The following EFHC1 variants were observed in gnomAD, a reference collection of about 807,000 sequenced individuals.
The protein encoded by EFHC1 is EF-hand domain-containing protein 1.
EFHC1 carries 53 observed loss-of-function variants against 69.9 expected under a neutral mutation model. The ratio of observed to expected loss-of-function variants is 0.76; its 90% CI spans 0.61 to 0.95. The LOEUF (loss-of-function observed/expected upper bound fraction) is 0.95. Ranked by LOEUF, EFHC1 falls within the 40% of genes least tolerant of loss-of-function variation. The probability of loss-of-function intolerance (pLI) is 0.00; values close to 1 mark genes in which losing one functional copy is unlikely to be tolerated. For synonymous variants in EFHC1, 256 were observed against 278.4 expected, an observed-to-expected ratio of 0.92 and a Z score of 0.80; for missense variants, 739 against 798.7, an observed-to-expected ratio of 0.93 and a Z score of 0.90.
intron 1 of EFHC1, chr6:52,423,736 G>A: frequency 2.7e-6 from 3 of 1,109,156 alleles, no homozygotes; most frequent in South Asian, 2.9e-5. Context: ...GAACTCTGGG[G>A]CTGAAGTGAT....
rs573419357 is a variant in EFHC1, at chr6:52,496,225, C to CACACAG, written c.*3885_*3886insCACAGA. On this transcript the variant is annotated 3_prime_UTR_variant, in exon 11 of 11. Coordinates refer to ENST00000371068, the MANE Select transcript of EFHC1 (RefSeq NM_018100.4). ...ACACACACCCACACACACACACACACAAAGAGAGAATGAGAATTATTAAGA... is the reference window on the plus strand; with the variant it reads ...ACACACACCCACACACACACACACACACACAGAAAGAGAGAATGAGAATTATTAAGA... The CACACAG allele has an allele frequency of 5.3e-3, 817 of 154,810 alleles. 7 individuals carry two copies. Among genetic ancestry groups the CACACAG allele is most frequent in the African/African-American group, 0.019 (771 of 41,392 alleles). 9.6% of individuals were successfully genotyped at this position (154,810 alleles called of 1,614,324 possible).
intron 2 of EFHC1, chr6:52,428,367 A>G (rs1013132272): frequency 2.0e-5 from 3 of 151,482 alleles, no homozygotes; most frequent in African/African-American, 7.3e-5. Context: ...TGAGTCCCCA[A>G]AGTTCATTGT....
chr6:52,423,987 C>T lies in EFHC1; in HGVS notation c.105C>T (p.Asn35=), dbSNP rs534406651. The change falls in exon 2 of 11, where the codon AAC becomes AAT. Residue 35 remains asparagine (N), a synonymous_variant. Transcript: ENST00000371068. ...GAAGTCAGACGCTGAGCTACAGGAA[C>T]GGCTATGCAATTGTTCGACGTCCAA... ...FHRSQTLSYR[N]GYAIVRRPTV... 54 of 1,614,026 alleles carry T rather than the reference C, an allele frequency of 3.3e-5. No homozygotes were observed. The highest frequency in any genetic ancestry group is 3.3e-4 in the Middle Eastern group (2 of 6,062).
intron 2 of EFHC1, among the ~76,000 whole-genome samples, chr6:52,434,601 A>T (rs1764489716): frequency 1.3e-5 from 2 of 151,862 alleles, no homozygotes; most frequent in African/African-American, 4.8e-5. Context: ...CTGCTTACCT[A>T]ATTTATTCCT....
At chr6:52,469,210 T>A (rs1765379405) in intron 6 of EFHC1, 123 bp from the exon 7 acceptor site, 8 of 1,268,296 alleles carry the variant, frequency 6.3e-6, no homozygotes, top group Non-Finnish European at 7.8e-6. Flanking sequence ...TATATTTGTT[T>A]ATGTAGAAAA....
At position 52,479,213 on chromosome 6, in the gene EFHC1, T is replaced by C; in HGVS notation, c.1455T>C (p.Tyr485=). ...CTACAGTGGACAACCCTGTCTACTA[T>C]GGCCCCAGTGACTTCTTCATTGGTG... is the stretch of plus-strand genomic sequence containing the variant. The part of the protein sequence containing the change: ...PYSTVDNPVY[Y]GPSDFFIGAV... Residue 485 remains tyrosine (Y), a synonymous_variant, in exon 8 of 11, where the codon TAT becomes TAC. Transcript: ENST00000371068. 6.2e-7 allele frequency: 1 copy of C among 1,614,142 alleles called. No individual in the cohort carries two copies. Among genetic ancestry groups the C allele is most frequent in the African/African-American group, 1.3e-5 (1 of 75,052 alleles).
intron 3 of EFHC1, among the ~76,000 whole-genome samples, chr6:52,447,440 G>C (rs1254188381): frequency 6.6e-6 from 1 of 152,056 alleles, no homozygotes; most frequent in Non-Finnish European, 1.5e-5. Flanking sequence ...TTTCTACACT[G>C]TTTATTCTAG....
intron 9 of EFHC1, among the ~76,000 whole-genome samples, chr6:52,489,673 G>C (rs1765854976): frequency 6.6e-6 from 1 of 152,164 alleles, no homozygotes; most frequent in African/African-American, 2.4e-5. Context: ...GTGTGAATTG[G>C]AGAGGGAATA....
chr6:52,435,554 C>T (rs962030683), intron 2 of EFHC1, among the ~76,000 whole-genome samples: 2 of 152,212 alleles, frequency 1.3e-5, no homozygotes, highest in African/African-American at 4.8e-5. Flanking sequence ...TCCTCAACAC[C>T]TCATCTGCTT....
At chr6:52,428,888 G>A (rs1441726559) in intron 2 of EFHC1, among the ~76,000 whole-genome samples, 3 of 152,090 alleles carry the variant, frequency 2.0e-5, no homozygotes, top group Non-Finnish European at 4.4e-5. Flanking sequence ...GGCCATTCTT[G>A]CAGGACTAAG....
At position 52,494,584 on chromosome 6, in the gene EFHC1, TTC is replaced by T. The variant is rs1562468535; in HGVS notation, c.*2249_*2250del. ...CTGACTCTTTCTCCCAGAGCACCTT[TTC>T]TCTCTTTTTGGATTCAGGGGGTACA... On this transcript the variant is annotated 3_prime_UTR_variant, in exon 11 of 11. Transcript: ENST00000371068. 2 of 453,970 alleles carry T rather than the reference TTC, an allele frequency of 4.4e-6. No individual in the cohort carries two copies. The highest frequency in any genetic ancestry group is 6.9e-5 in the East Asian group (1 of 14,408). 28.1% of individuals were successfully genotyped at this position (453,970 alleles called of 1,614,324 possible). A position where few individuals can be genotyped will look rare whatever the true frequency, so the allele number is the denominator to read the frequency against.
intron 9 of EFHC1, chr6:52,481,823 C>T (rs1371938073): frequency 6.6e-6 from 1 of 152,088 alleles, no homozygotes; most frequent in Non-Finnish European, 1.5e-5. Flanking sequence ...GGTGAAATCT[C>T]TAAAGGAGTT....
In EFHC1 at chr6:52,490,524, T is replaced by G. The variant is rs112614552; in HGVS notation, c.1851+174T>G. 1,674 of 642,866 alleles carry G rather than the reference T, an allele frequency of 2.6e-3. 18 individuals are homozygous for G. In the African/African-American group the frequency reaches 0.027, roughly 11 times the overall value. 39.8% of individuals were successfully genotyped at this position (642,866 alleles called of 1,614,324 possible). On this transcript the variant is annotated intron_variant, in intron 10 of 10. Transcript: ENST00000371068. ...CCCGTTGATTCTAGCATTGGTATTCTTTTCTAATTGCTGTTGCAGGGCATC... is the reference window on the plus strand; with the variant it reads ...CCCGTTGATTCTAGCATTGGTATTCGTTTCTAATTGCTGTTGCAGGGCATC...
intron 3 of EFHC1, among the ~76,000 whole-genome samples, chr6:52,441,570 C>T (rs1287669794): frequency 3.3e-5 from 5 of 151,958 alleles, no homozygotes. Context: ...CTTAGAATTG[C>T]CTTGACTATT....
At chr6:52,482,566 C>G (rs940505631) in intron 9 of EFHC1, 10 of 372,212 alleles carry the variant, frequency 2.7e-5, no homozygotes, top group Non-Finnish European at 4.3e-5. Flanking sequence ...GACTGAACGT[C>G]TGTTCTGTGC....
intron 5 of EFHC1, among the ~76,000 whole-genome samples, chr6:52,456,131 A>G (rs1765039278): frequency 6.6e-6 from 1 of 152,242 alleles, no homozygotes; most frequent in Admixed American, 6.5e-5. Flanking sequence ...TTTTAGAATT[A>G]GGAAAGTTTA....
At chr6:52,487,635 G>A (rs1157338513) in intron 9 of EFHC1, 1 of 152,160 alleles carries the variant, frequency 6.6e-6, no homozygotes, top group Non-Finnish European at 1.5e-5. Context: ...TCTAAGTGGA[G>A]GACTTTGCCA....
intron 5 of EFHC1, among the ~76,000 whole-genome samples, chr6:52,458,136 G>C (rs1440956668): frequency 6.6e-6 from 1 of 152,102 alleles, no homozygotes; most frequent in Non-Finnish European, 1.5e-5. Context: ...AAAGGTGCTG[G>C]AACAATTCAA....
intron 7 of EFHC1, among the ~76,000 whole-genome samples, chr6:52,470,623 A>G (rs1765416562): frequency 1.3e-5 from 2 of 152,236 alleles, no homozygotes; most frequent in South Asian, 2.1e-4. Context: ...CTGCTTAGAC[A>G]GGGGTAGGAC....
Sources: allele counts gnomAD v4.1 joint callset (sites outside exome capture counted in the v4.1 genomes callset), GRCh38; gene constraint gnomAD v4.1.1; transcripts MANE v1.5; gene names NCBI Gene and HGNC (gene_info 2026-07-23, HGNC 2026-07-21).